The following UNC13C variants were observed in gnomAD, a reference collection of about 807,000 sequenced individuals.
The protein encoded by UNC13C is unc-13 homolog C.
UNC13C carries 174 observed loss-of-function variants against 245.4 expected under a neutral mutation model. The ratio of observed to expected loss-of-function variants is 0.71; its 90% CI spans 0.63 to 0.80. The LOEUF is 0.80. UNC13C is among the 30% of genes least tolerant of loss of function. The probability of loss-of-function intolerance (pLI) is 0.00; values close to 1 mark genes in which losing one functional copy is unlikely to be tolerated. For missense variants in UNC13C, 2,829 were observed against 2,602.9 expected, an observed-to-expected ratio of 1.09 and a Z score of -1.89; for synonymous variants, 992 against 895.1, an observed-to-expected ratio of 1.11 and a Z score of -1.93.
intron 17 of UNC13C, among the ~76,000 whole-genome samples, chr15:54,387,337 G>C (rs577172098): frequency 6.6e-6 from 1 of 152,298 alleles, no homozygotes; most frequent in South Asian, 2.1e-4. Flanking sequence ...TCCTGGAACT[G>C]AGGGTTTCTT....
the UNC13C span, among the ~76,000 whole-genome samples, chr15:53,939,187 C>T: frequency 6.6e-6 from 1 of 152,110 alleles, no homozygotes; most frequent in Non-Finnish European, 1.5e-5. Flanking sequence ...ATACACACAA[C>T]CATCAGAGAA....
chr15:54,309,041 A>G (rs1218571603), intron 13 of UNC13C, among the ~76,000 whole-genome samples: 2 of 151,810 alleles, frequency 1.3e-5, no homozygotes, highest in African/African-American at 4.8e-5. Context: ...ATAATAGATT[A>G]TATAATAGTT....
At chr15:53,932,604 A>G in the UNC13C span, among the ~76,000 whole-genome samples, 1 of 152,010 alleles carries the variant, frequency 6.6e-6, no homozygotes, top group Admixed American at 6.6e-5. Context: ...CATGACTCCT[A>G]TCTCTGTTCA....
intron 2 of UNC13C, among the ~76,000 whole-genome samples, chr15:54,081,461 T>C (rs1898933960): frequency 1.3e-5 from 2 of 152,218 alleles, no homozygotes; most frequent in South Asian, 4.1e-4. Context: ...TTGTGAATCT[T>C]GGTACTCTGA....
chr15:53,973,980 G>GT (rs1298112982), upstream of UNC13C, among the ~76,000 whole-genome samples: 1 of 152,118 alleles, frequency 6.6e-6, no homozygotes, highest in Non-Finnish European at 1.5e-5. Flanking sequence ...CAGTTTTGAA[G>GT]TAGACGTTCA....
chr15:54,566,361 C>G (rs1233585058), intron 29 of UNC13C, among the ~76,000 whole-genome samples: 1 of 152,068 alleles, frequency 6.6e-6, no homozygotes, highest in African/African-American at 2.4e-5. Flanking sequence ...TAAATACTTT[C>G]TTCATGTGAA....
At chr15:54,332,009 T>G in intron 14 of UNC13C, 34 bp from the exon 15 acceptor site, 2 of 1,446,690 alleles carry the variant, frequency 1.4e-6, no homozygotes, top group Non-Finnish European at 1.9e-6. Context: ...GGTCATTTAT[T>G]TCCATTCTCC....
chr15:54,116,012 T>C (rs1351014368), intron 2 of UNC13C, among the ~76,000 whole-genome samples: 4 of 152,166 alleles, frequency 2.6e-5, no homozygotes. Flanking sequence ...TTAATTGAGA[T>C]AAAATATACA....
Position 54,143,641 on chromosome 15 carries a change from G to C in UNC13C, c.3028G>C (p.Asp1010His). Residue 1010 changes from aspartate (D) to histidine (H), a missense_variant, in exon 4 of 33, where the codon GAT becomes CAT. Transcript: ENST00000260323. ...DEKARIVSGN[D>H]LDASKFSALQ... ...TAAGGCTCGAATAGTAAGTGGCAAT[G>C]ATTTGGATGCTTCCAAATTTTCTGC... is the stretch of plus-strand genomic sequence containing the variant. 6.2e-7 allele frequency: 1 copy of C among 1,613,358 alleles called. No homozygotes were observed. Among genetic ancestry groups the C allele is most frequent in the Non-Finnish European group, 8.5e-7 (1 of 1,179,464 alleles).
chr15:54,451,981 C>T (rs1261692420), intron 19 of UNC13C, among the ~76,000 whole-genome samples: 1 of 152,152 alleles, frequency 6.6e-6, no homozygotes, highest in Non-Finnish European at 1.5e-5. Context: ...GGCTTTGATT[C>T]TCAGTGCATG....
At chr15:54,002,394 C>G (rs114120130) in intron 1 of UNC13C, among the ~76,000 whole-genome samples, 4,230 of 150,838 alleles carry the variant, frequency 0.028, 207 homozygotes, top group African/African-American at 0.097. Flanking sequence ...TTTTTCTCTT[C>G]TGTCTTTAAA....
chr15:54,474,883 G>C (rs1385694035), intron 19 of UNC13C, among the ~76,000 whole-genome samples: 1 of 151,960 alleles, frequency 6.6e-6, no homozygotes, highest in African/African-American at 2.4e-5. Context: ...GACAAGAGAG[G>C]AGAAAAGAGA....
intron 17 of UNC13C, among the ~76,000 whole-genome samples, chr15:54,356,083 G>C (rs373590520): frequency 1.3e-5 from 2 of 152,076 alleles, no homozygotes; most frequent in Non-Finnish European, 2.9e-5. Context: ...TTATGTCTGC[G>C]TGGTATTCCA....
chr15:54,617,645 A>G (rs1010920627), intron 30 of UNC13C, among the ~76,000 whole-genome samples: 26 of 152,118 alleles, frequency 1.7e-4, no homozygotes, highest in African/African-American at 6.3e-4. Flanking sequence ...CCAAATATAT[A>G]TTAAATAACA....
chr15:54,617,553 C>G (rs923751704), intron 30 of UNC13C, among the ~76,000 whole-genome samples: 1 of 151,950 alleles, frequency 6.6e-6, no homozygotes, highest in Non-Finnish European at 1.5e-5. Flanking sequence ...AGATCTTATA[C>G]CTGAAGCACT....
intron 10 of UNC13C, among the ~76,000 whole-genome samples, chr15:54,285,660 C>T (rs193300723): frequency 3.3e-5 from 5 of 151,922 alleles, no homozygotes; most frequent in African/African-American, 7.3e-5. Flanking sequence ...CCTTCCAGGC[C>T]GAGCTAGAAT....
At chr15:53,881,701 TTTG>T in the UNC13C span, among the ~76,000 whole-genome samples, 1 of 152,232 alleles carries the variant, frequency 6.6e-6, no homozygotes, top group East Asian at 1.9e-4. Context: ...AAGGCTAGAT[TTTG>T]TTACTTGTAG....
At chr15:54,381,257 C>G (rs929526768) in intron 17 of UNC13C, among the ~76,000 whole-genome samples, 1 of 151,988 alleles carries the variant, frequency 6.6e-6, no homozygotes, top group African/African-American at 2.4e-5. Flanking sequence ...TTTTGAAAAT[C>G]AGGTGGCTAG....
intron 4 of UNC13C, among the ~76,000 whole-genome samples, chr15:54,216,300 G>A (rs58686833): frequency 0.15 from 22,825 of 151,872 alleles, 1,939 homozygotes; most frequent in African/African-American, 0.23. Flanking sequence ...TTGGAATATA[G>A]CATTTTTTAG....
Sources: gnomAD v4.1 joint callset for allele counts (sites outside exome capture counted in the v4.1 genomes callset) on GRCh38, gnomAD v4.1.1 for gene constraint, MANE v1.5 for transcripts, NCBI Gene and HGNC (gene_info 2026-07-23, HGNC 2026-07-21) for gene names.